TSPAN1: variants seen among roughly 807,000 people sequenced by gnomAD.
TSPAN1 encodes tetraspanin-1.
Under a neutral mutation model 26.9 loss-of-function variants are expected in TSPAN1, and 23 were observed. The observed-to-expected ratio is 0.85, with a 90% CI of 0.62 to 1.21. The LOEUF is 1.21. Ranked by LOEUF, TSPAN1 falls within the 50% of genes most tolerant of loss-of-function variation. The pLI is 0.00. For synonymous variants in TSPAN1, 115 were observed against 114.8 expected (o/e 1.00, Z -0.01); for missense variants, 283 against 298.4 (o/e 0.95, Z 0.38).
chr1:46,177,348 AATAT>A (rs1052236775), intron 1 of TSPAN1, among the ~76,000 whole-genome samples: 5 of 100,034 alleles, frequency 5.0e-5, no homozygotes, highest in African/African-American at 2.0e-4. Flanking sequence ...AAAAAAAAAA[AATAT>A]ATCTATCTAT....
chr1:46,186,488 C>CTTTTTTTTTTTTTTTT (rs751253861), downstream of TSPAN1, among the ~76,000 whole-genome samples: 1 of 130,118 alleles, frequency 7.7e-6, no homozygotes, highest in Non-Finnish European at 1.7e-5. Context: ...CTTTTCTTTT[C>CTTTTTTTTTTTTTTTT]TTTTTTTTTT....
At chr1:46,193,265 A>G in the TSPAN1 span, 1 of 1,613,998 alleles carries the variant, frequency 6.2e-7, no homozygotes, top group Admixed American at 1.7e-5. Flanking sequence ...TAGAAGGCAG[A>G]GCCAGGTGTC....
chr1:46,192,333 T>A, the TSPAN1 span: 1 of 1,614,146 alleles, frequency 6.2e-7, no homozygotes, highest in Non-Finnish European at 8.5e-7. Flanking sequence ...CCACTTGGGC[T>A]CAAGCTCCTC....
intron 1 of TSPAN1, among the ~76,000 whole-genome samples, chr1:46,180,113 CA>C (rs1657281494): frequency 6.6e-6 from 1 of 152,212 alleles, no homozygotes; most frequent in South Asian, 2.1e-4. Context: ...CGGACGCACA[CA>C]CACACATGCA....
the TSPAN1 span, chr1:46,193,358 G>C: frequency 6.2e-7 from 1 of 1,613,224 alleles, no homozygotes; most frequent in African/African-American, 1.3e-5. Context: ...ATGCCCCTCA[G>C]ACCAAACAGT....
downstream of TSPAN1, chr1:46,189,243 C>G: frequency 1.2e-6 from 2 of 1,606,194 alleles, no homozygotes; most frequent in South Asian, 2.2e-5. Context: ...ACACAGTACC[C>G]AGCCCCGCAG....
intron 2 of TSPAN1, among the ~76,000 whole-genome samples, 169 bp downstream of exon 2, chr1:46,180,827 G>A (rs968805045): frequency 2.6e-5 from 4 of 152,076 alleles, no homozygotes; most frequent in African/African-American, 9.7e-5. Context: ...CTGCAGTGTG[G>A]GAGTCAGGCT....
At chr1:46,190,482 C>T, downstream of TSPAN1, 1 of 1,604,380 alleles carries the variant, frequency 6.2e-7, no homozygotes, top group Non-Finnish European at 8.5e-7. Flanking sequence ...CCTGAGCAGC[C>T]TGTGAACTTC....
the TSPAN1 span, chr1:46,194,471 C>T: frequency 6.2e-7 from 1 of 1,614,084 alleles, no homozygotes; most frequent in Non-Finnish European, 8.5e-7. Flanking sequence ...GGCACACAAT[C>T]AAAGGAATAA....
intron 1 of TSPAN1, chr1:46,175,762 T>G (rs1433156578): frequency 2.5e-6 from 1 of 404,030 alleles, no homozygotes; most frequent in Non-Finnish European, 4.3e-6. Flanking sequence ...GTCAGCACTT[T>G]GGGGTGCCTG....
chr1:46,188,404 T>C (rs1657490251), downstream of TSPAN1, among the ~76,000 whole-genome samples: 2 of 152,164 alleles, frequency 1.3e-5, no homozygotes, highest in East Asian at 3.9e-4. Context: ...CCAGGCAAGA[T>C]AAGCAGGAAC....
chr1:46,192,324 C>A, the TSPAN1 span: 3 of 1,614,160 alleles, frequency 1.9e-6, no homozygotes, highest in Non-Finnish European at 2.5e-6. Context: ...CGGTGTAGGC[C>A]ACTTGGGCTC....
chr1:46,176,673 A>C (rs1657177983), intron 1 of TSPAN1, among the ~76,000 whole-genome samples: 2 of 152,260 alleles, frequency 1.3e-5, no homozygotes, highest in Non-Finnish European at 2.9e-5. Context: ...AGACAGCCTC[A>C]GTTTGGCCCC....
chr1:46,184,604 T>C lies in TSPAN1; in HGVS notation c.275T>C (p.Ile92Thr). 2 of 1,613,920 alleles carry C rather than the reference T, an allele frequency of 1.2e-6. No individual in the cohort carries two copies. Among genetic ancestry groups the C allele is most frequent in the Non-Finnish European group, 1.7e-6 (2 of 1,179,898 alleles). Reference sequence around the variant, plus strand: ...CTGTTCCCCACTCAGTTCTTCTTCATCCTCCTCCTCATCTTCATTGCTGAG... The same window carrying C: ...CTGTTCCCCACTCAGTTCTTCTTCACCCTCCTCCTCATCTTCATTGCTGAG... ...SKCALVTFFF[I>T]LLLIFIAEVA... The change falls in exon 5 of 9, where the codon ATC (isoleucine) becomes ACC (threonine). Residue 92 changes from isoleucine to threonine, a missense_variant. By Grantham distance (89) the Ile-to-Thr change is moderately conservative. Coordinates refer to ENST00000372003, the MANE Select transcript of TSPAN1 (RefSeq NM_005727.4).
At chr1:46,191,879 C>T in the TSPAN1 span, 2 of 564,104 alleles carry the variant, frequency 3.5e-6, no homozygotes, top group Admixed American at 2.7e-5. Flanking sequence ...TGTGATCCAC[C>T]CGCATCGGCC....
At chr1:46,193,150 A>G in the TSPAN1 span, 1 of 1,614,046 alleles carries the variant, frequency 6.2e-7, no homozygotes, top group African/African-American at 1.3e-5. Context: ...TCCCAGGCCC[A>G]AGAGTTGTAT....
At chr1:46,176,065 T>C (rs546064720) in intron 1 of TSPAN1, among the ~76,000 whole-genome samples, 285 of 152,236 alleles carry the variant, frequency 1.9e-3, no homozygotes, top group East Asian at 4.1e-3. Flanking sequence ...TTAGTAGAGA[T>C]GGGATTTCAC....
At chr1:46,185,371 T>C (rs1264022396) in intron 8 of TSPAN1, 63 bp downstream of exon 8, 2 of 1,609,820 alleles carry the variant, frequency 1.2e-6, no homozygotes, top group African/African-American at 1.3e-5. Context: ...TCAACCCATC[T>C]GAGGCCTCTC....
chr1:46,187,138 TCC>T (rs1232421482), downstream of TSPAN1, among the ~76,000 whole-genome samples: 1 of 152,180 alleles, frequency 6.6e-6, no homozygotes, highest in Non-Finnish European at 1.5e-5. Flanking sequence ...GCCCTAACTA[TCC>T]CTATGCTCCA....
Sources: gnomAD v4.1 joint callset for allele counts (sites outside exome capture counted in the v4.1 genomes callset) on GRCh38, gnomAD v4.1.1 for gene constraint, MANE v1.5 for transcripts, NCBI Gene and HGNC (gene_info 2026-07-23, HGNC 2026-07-21) for gene names.